Variants in DPYSL3 observed in about 807,000 individuals in gnomAD.
DPYSL3 encodes the protein dihydropyrimidinase-related protein 3.
DPYSL3 carries 16 observed loss-of-function variants against 66.1 expected under a neutral mutation model. The ratio of observed to expected loss-of-function variants is 0.24; its 90% confidence interval spans 0.16 to 0.37. The LOEUF (loss-of-function observed/expected upper bound fraction) is 0.37, where lower values mean the gene tolerates loss of function less well. Among genes scored for constraint, DPYSL3 ranks in the 10% least tolerant of loss-of-function variants. The pLI is 1.00. For synonymous variants in DPYSL3, 338 were observed against 345.1 expected (o/e 0.98, Z 0.23); for missense variants, 738 against 916.2 (o/e 0.81, Z 2.51).
intron 1 of DPYSL3, among the ~76,000 whole-genome samples, chr5:147,470,157 G>A (rs1281140248): frequency 1.3e-5 from 2 of 152,154 alleles, no homozygotes; most frequent in African/African-American, 4.8e-5. Context: ...CAGCTGAGGT[G>A]TCCATTGAGG....
At chr5:147,437,015 C>A (rs975084017) in intron 1 of DPYSL3, among the ~76,000 whole-genome samples, 4 of 152,118 alleles carry the variant, frequency 2.6e-5, no homozygotes, top group East Asian at 3.9e-4. Flanking sequence ...GTTAATGCCA[C>A]GCTGAAAATG....
chr5:147,509,531 T>A lies in DPYSL3; in HGVS notation c.328A>T (p.Ile110Phe). ...PASPAPAGVE[I>F]RSATGKEVLQ... ...ACCTCTTTGCCGGTGGCGCTCCGGA[T>A]CTCTACCCCGGCGGGGGCGGGGGAG... The change falls in exon 1 of 14, where the codon ATC becomes TTC. Residue 110 changes from isoleucine (I) to phenylalanine (F), a missense_variant. Physicochemically the swap from Ile to Phe is conservative, Grantham distance 21. Transcript: ENST00000343218. The surrounding 1 kb of genome is among the most constrained non-coding windows in gnomAD (Gnocchi z 5.3). The A allele has an allele frequency of 6.5e-7, 1 of 1,534,468 alleles. No individual in the cohort carries two copies. Among genetic ancestry groups the A allele is most frequent in the Non-Finnish European group, 8.7e-7 (1 of 1,146,232 alleles).
intron 12 of DPYSL3, among the ~76,000 whole-genome samples, chr5:147,397,185 T>C (rs1265642189): frequency 8.2e-6 from 1 of 121,562 alleles, no homozygotes; most frequent in African/African-American, 3.3e-5. Flanking sequence ...TATATATATA[T>C]ATATACACAC....
intron 8 of DPYSL3, 60 bp downstream of exon 8, chr5:147,405,550 G>A: frequency 1.3e-6 from 2 of 1,553,212 alleles, no homozygotes; most frequent in African/African-American, 2.7e-5. Flanking sequence ...AGGACAACCA[G>A]AGAGGGAAGG....
At chr5:147,502,288 C>T (rs187767565) in intron 1 of DPYSL3, among the ~76,000 whole-genome samples, 87 of 151,920 alleles carry the variant, frequency 5.7e-4, no homozygotes, top group Non-Finnish European at 8.2e-4. Flanking sequence ...GGTACACAAA[C>T]CTTCAGACCA....
At chr5:147,409,010 G>A (rs1378746665) in intron 6 of DPYSL3, among the ~76,000 whole-genome samples, 1 of 152,228 alleles carries the variant, frequency 6.6e-6, no homozygotes, top group Non-Finnish European at 1.5e-5. Flanking sequence ...TTAGAAGAAA[G>A]ATAGTTGTCT....
intron 3 of DPYSL3, among the ~76,000 whole-genome samples, chr5:147,417,792 C>A (rs1752000122): frequency 6.6e-6 from 1 of 152,168 alleles, no homozygotes; most frequent in African/African-American, 2.4e-5. Context: ...ACTCCTACAG[C>A]TTGCCAAATG....
At chr5:147,454,568 T>C (rs780699360) in intron 1 of DPYSL3, among the ~76,000 whole-genome samples, 2 of 152,180 alleles carry the variant, frequency 1.3e-5, no homozygotes, top group Non-Finnish European at 2.9e-5. Context: ...AGAACATGAA[T>C]GCTGCTCTGT....
At chr5:147,429,492 G>A (rs141431705) in intron 1 of DPYSL3, among the ~76,000 whole-genome samples, 37 of 152,116 alleles carry the variant, frequency 2.4e-4, no homozygotes, top group South Asian at 8.3e-4. Flanking sequence ...GTGTGTGTGC[G>A]TGTATAATCT....
At position 147,509,418 on chromosome 5, in the gene DPYSL3, G is replaced by A; in HGVS notation, c.381+60C>T. ...TGGAGAAAGTTGTGCCCGGGCCATG[G>A]CGGCCAGGGCTGGAGAAAGGAACGA... On this transcript the variant is annotated intron_variant, in intron 1 of 13. Coordinates refer to ENST00000343218, the MANE Select transcript of DPYSL3 (RefSeq NM_001197294.2). This position sits in a 1 kb window ranked among gnomAD's most constrained non-coding sequence, Gnocchi z 5.3. 1 of 1,445,712 alleles carries A rather than the reference G, an allele frequency of 6.9e-7. No individual in the cohort carries two copies. The highest frequency in any genetic ancestry group is 1.4e-5 in the African/African-American group (1 of 70,068). The allele number at this position is 1,445,712 out of a possible 1,614,324, so 89.6% of individuals were successfully genotyped here.
At chr5:147,484,160 G>T (rs1222258057) in intron 1 of DPYSL3, among the ~76,000 whole-genome samples, 1 of 152,200 alleles carries the variant, frequency 6.6e-6, no homozygotes, top group Non-Finnish European at 1.5e-5. Context: ...AGCCCGTGCT[G>T]CTGGCCACTT....
intron 1 of DPYSL3, among the ~76,000 whole-genome samples, chr5:147,443,592 C>T (rs938688114): frequency 2.0e-5 from 3 of 147,750 alleles, no homozygotes; most frequent in African/African-American, 4.9e-5. Flanking sequence ...ACATGTATCC[C>T]GTTTTTTTTT....
At chr5:147,445,179 T>A (rs191892377) in intron 1 of DPYSL3, among the ~76,000 whole-genome samples, 1 of 152,216 alleles carries the variant, frequency 6.6e-6, no homozygotes, top group East Asian at 1.9e-4. Context: ...TGAAACAAGC[T>A]CAGAATGAGC....
At chr5:147,414,240 T>C (rs1581180524) in intron 4 of DPYSL3, among the ~76,000 whole-genome samples, 1 of 152,254 alleles carries the variant, frequency 6.6e-6, no homozygotes, top group African/African-American at 2.4e-5. Flanking sequence ...TTCATTTTAC[T>C]GTGCAGGGTG....
intron 2 of DPYSL3, among the ~76,000 whole-genome samples, chr5:147,424,157 A>C (rs1300003587): frequency 6.6e-6 from 1 of 152,216 alleles, no homozygotes; most frequent in Non-Finnish European, 1.5e-5. Context: ...TCTTGTAACC[A>C]AAATCTTTAA....
chr5:147,418,929 T>C (rs1752029494), intron 2 of DPYSL3, among the ~76,000 whole-genome samples: 1 of 152,218 alleles, frequency 6.6e-6, no homozygotes, highest in Non-Finnish European at 1.5e-5. Context: ...TAATACTTTT[T>C]TCATATAAAT....
intron 1 of DPYSL3, among the ~76,000 whole-genome samples, chr5:147,494,344 T>G (rs1753464137): frequency 2.6e-5 from 4 of 152,048 alleles, no homozygotes; most frequent in African/African-American, 4.8e-5. Context: ...GAAGAAAAGA[T>G]TTCTTTTCTT....
At chr5:147,461,962 A>G (rs1161662831) in intron 1 of DPYSL3, among the ~76,000 whole-genome samples, 2 of 152,188 alleles carry the variant, frequency 1.3e-5, no homozygotes, top group East Asian at 3.9e-4. Context: ...TAGAGAGTAA[A>G]TCAAAAAATT....
intron 1 of DPYSL3, among the ~76,000 whole-genome samples, chr5:147,465,355 A>G (rs751811621): frequency 3.3e-5 from 5 of 152,016 alleles, no homozygotes; most frequent in Non-Finnish European, 7.4e-5. Context: ...GCTGGAGTGC[A>G]GTGGCACAAT....
Sources: allele counts gnomAD v4.1 joint callset (sites outside exome capture counted in the v4.1 genomes callset), GRCh38; gene constraint gnomAD v4.1.1; non-coding constraint Gnocchi (gnomAD v3.1); transcripts MANE v1.5; gene names NCBI Gene and HGNC (gene_info 2026-07-23, HGNC 2026-07-21).